The following ELOVL5 variants were observed in gnomAD, a reference collection of about 807,000 sequenced individuals.
The protein encoded by ELOVL5 is very long chain fatty acid elongase 5.
Under a neutral mutation model 38.6 loss-of-function variants are expected in ELOVL5, and 8 were observed. The observed-to-expected ratio is 0.21, with a 90% CI of 0.12 to 0.37. The LOEUF (loss-of-function observed/expected upper bound fraction) is 0.37, where lower values mean the gene tolerates loss of function less well. Ranked by LOEUF, ELOVL5 falls within the 10% of genes least tolerant of loss-of-function variation. ELOVL5 has a pLI of 1.00. For missense variants in ELOVL5, 280 were observed against 367.8 expected (o/e 0.76, Z 1.95); for synonymous variants, 127 against 133.7 (o/e 0.95, Z 0.34).
intron 1 of ELOVL5, among the ~76,000 whole-genome samples, chr6:53,300,246 T>A (rs1767196465): frequency 6.6e-6 from 1 of 152,150 alleles, no homozygotes; most frequent in African/African-American, 2.4e-5. Context: ...AGCTTCATCA[T>A]TTACTCAATA....
intron 1 of ELOVL5, among the ~76,000 whole-genome samples, chr6:53,334,753 T>C (rs996275267): frequency 3.3e-5 from 5 of 152,174 alleles, no homozygotes; most frequent in Non-Finnish European, 7.3e-5. Flanking sequence ...CATCATCTTC[T>C]CACACCTGGT....
chr6:53,333,218 A>G (rs1452229647), intron 1 of ELOVL5, among the ~76,000 whole-genome samples: 1 of 152,242 alleles, frequency 6.6e-6, no homozygotes, highest in Non-Finnish European at 1.5e-5. Flanking sequence ...CTCATGGGTC[A>G]TGAAGAAACT....
At position 53,288,902 on chromosome 6, in the gene ELOVL5, C is replaced by T. The variant is rs562119388; in HGVS notation, c.246+2874G>A. 5.3e-5 allele frequency among the ~76,000 whole-genome samples: 8 copies of T among 152,178 alleles called. No homozygotes were observed. In the South Asian group the frequency reaches 1.0e-3, roughly 20 times the overall value. Reference sequence around the variant, plus strand: ...ACAACATGATGAAACCTTGTCTTTACGAAAAATACAAAACTTAGCTAGACG... The same window carrying T: ...ACAACATGATGAAACCTTGTCTTTATGAAAAATACAAAACTTAGCTAGACG... On this transcript the variant is annotated intron_variant, in intron 3 of 7. Coordinates refer to ENST00000304434, the MANE Select transcript of ELOVL5 (RefSeq NM_021814.5).
chr6:53,306,170 G>A (rs576959205), intron 1 of ELOVL5, among the ~76,000 whole-genome samples: 3 of 145,378 alleles, frequency 2.1e-5, no homozygotes, highest in African/African-American at 7.7e-5. Context: ...TCCAGCTTTG[G>A]CTCGGCATGA....
In ELOVL5 at chr6:53,324,764, C is replaced by T. The variant is rs9474486; in HGVS notation, c.-9+24053G>A. 3.6e-3 allele frequency among the ~76,000 whole-genome samples: 544 copies of T among 149,786 alleles called. 5 individuals are homozygous for T. The highest frequency in any genetic ancestry group is 0.013 in the African/African-American group (523 of 40,354). On this transcript the variant is annotated intron_variant, in intron 1 of 7. Coordinates refer to ENST00000304434, the MANE Select transcript of ELOVL5 (RefSeq NM_021814.5). The stretch of plus-strand genomic sequence containing the variant: ...AACGACTCTGGGATAACTACTTAGT[C>T]TTAGTTTGGAGAGAAAGCAGAGGAA...
intron 1 of ELOVL5, among the ~76,000 whole-genome samples, chr6:53,335,889 T>A (rs1430163731): frequency 6.6e-6 from 1 of 152,128 alleles, no homozygotes; most frequent in Non-Finnish European, 1.5e-5. Flanking sequence ...TCTTCTTACA[T>A]CCTGCTGCTC....
chr6:53,286,006 C>T (rs2397139), intron 3 of ELOVL5, among the ~76,000 whole-genome samples: 1 of 151,878 alleles, frequency 6.6e-6, no homozygotes, highest in Non-Finnish European at 1.5e-5. Flanking sequence ...ATATGCACTG[C>T]GAAACCAAAA....
At chr6:53,286,784 AAG>A (rs1305625779) in intron 3 of ELOVL5, among the ~76,000 whole-genome samples, 8 of 152,192 alleles carry the variant, frequency 5.3e-5, no homozygotes, top group Non-Finnish European at 1.2e-4. Context: ...CTATTTGAAA[AAG>A]AGTTTAATTA....
intron 1 of ELOVL5, among the ~76,000 whole-genome samples, chr6:53,318,324 G>T (rs149271133): frequency 6.6e-6 from 1 of 152,140 alleles, no homozygotes; most frequent in African/African-American, 2.4e-5. Flanking sequence ...GATCCTGGGC[G>T]AGTACATGTC....
chr6:53,342,545 T>C (rs939266090), intron 1 of ELOVL5, among the ~76,000 whole-genome samples: 2 of 152,164 alleles, frequency 1.3e-5, no homozygotes, highest in African/African-American at 4.8e-5. Flanking sequence ...AGGAAAAGGA[T>C]GGGGTAAATG....
chr6:53,337,108 T>C (rs760930539), intron 1 of ELOVL5: 2 of 152,302 alleles, frequency 1.3e-5, no homozygotes, highest in Non-Finnish European at 2.9e-5. Context: ...GGAGATGTAC[T>C]GAAGGACAGC....
intron 1 of ELOVL5, among the ~76,000 whole-genome samples, chr6:53,315,823 ATACTT>A (rs369361215): frequency 2.0e-5 from 3 of 152,328 alleles, no homozygotes; most frequent in African/African-American, 7.2e-5. Flanking sequence ...CAGCCCTAAA[ATACTT>A]TACTTAACTC....
At chr6:53,340,936 T>C (rs2127594825) in intron 1 of ELOVL5, among the ~76,000 whole-genome samples, 1 of 152,322 alleles carries the variant, frequency 6.6e-6, no homozygotes, top group East Asian at 1.9e-4. Context: ...TGCATTTCTC[T>C]GAGCGTATAT....
At position 53,270,678 on chromosome 6, in the gene ELOVL5, G is replaced by C. The variant is rs763841620; in HGVS notation, c.671C>G (p.Pro224Arg). ...IIQTSCGVIW[P>R]CTFPLGWLYF... ...CAACCAACCAAGAGGGAATGTGCAC[G>C]GCCAGATGACCCCGCAGCTGGTCTG... Residue 224 changes from proline (P) to arginine (R), a missense_variant, in exon 7 of 8, where the codon CCG (proline) becomes CGG (arginine). Pro to Arg is a moderately radical substitution (Grantham distance 103, BLOSUM62 -2). This residue lies in a region of ELOVL5 where 125 missense variants were observed against 158.9 expected (regional missense o/e 0.79). Coordinates refer to ENST00000304434, the MANE Select transcript of ELOVL5 (RefSeq NM_021814.5). The C allele has an allele frequency of 1.2e-6, 2 of 1,613,984 alleles. No homozygotes were observed. Among genetic ancestry groups the C allele is most frequent in the African/African-American group, 1.3e-5 (1 of 74,914 alleles).
intron 1 of ELOVL5, among the ~76,000 whole-genome samples, chr6:53,326,847 C>A (rs993442478): frequency 1.3e-5 from 2 of 152,170 alleles, no homozygotes; most frequent in African/African-American, 2.4e-5. Flanking sequence ...TGCTTTCCCT[C>A]ACCATGCTTC....
At chr6:53,340,769 A>G (rs1769290504) in intron 1 of ELOVL5, among the ~76,000 whole-genome samples, 1 of 152,146 alleles carries the variant, frequency 6.6e-6, no homozygotes, top group African/African-American at 2.4e-5. Flanking sequence ...ACAACAACAA[A>G]ATTGCCTAAG....
chr6:53,338,526 A>C (rs1156892741), intron 1 of ELOVL5, among the ~76,000 whole-genome samples: 1 of 152,230 alleles, frequency 6.6e-6, no homozygotes, highest in Non-Finnish European at 1.5e-5. Flanking sequence ...TCAAAGGGCA[A>C]CTTCCTTCTT....
In ELOVL5 at chr6:53,295,984, A is replaced by G. The variant is rs912569537; in HGVS notation, c.-8-277T>C. 3.3e-5 allele frequency among the ~76,000 whole-genome samples: 5 copies of G among 152,140 alleles called. 1 individual carries two copies. The highest frequency in any genetic ancestry group is 7.3e-5 in the Non-Finnish European group (5 of 68,030). On this transcript the variant is annotated intron_variant, in intron 1 of 7. Transcript: ENST00000304434. Reference sequence around the variant, plus strand: ...AGTTCCATAAAAACTCTTTCCGTGAAGCTGAAATCTCAGTGGGGAAAAAAG... The same window carrying G: ...AGTTCCATAAAAACTCTTTCCGTGAGGCTGAAATCTCAGTGGGGAAAAAAG...
At chr6:53,304,036 G>A (rs776268300) in intron 1 of ELOVL5, among the ~76,000 whole-genome samples, 1 of 152,138 alleles carries the variant, frequency 6.6e-6, no homozygotes, top group Non-Finnish European at 1.5e-5. Context: ...TTTTACATGA[G>A]CTAGATACTT....
Sources: allele counts gnomAD v4.1 joint callset (sites outside exome capture counted in the v4.1 genomes callset), GRCh38; gene constraint gnomAD v4.1.1; regional missense constraint gnomAD v4.1.1; transcripts MANE v1.5; gene names NCBI Gene and HGNC (gene_info 2026-07-23, HGNC 2026-07-21).